Variants in KIRREL3 observed in about 807,000 individuals in gnomAD.
The protein encoded by KIRREL3 is kin of IRRE-like protein 3.
In KIRREL3, 36 loss-of-function variants were observed where a neutral mutation model predicts 89.7. The observed-to-expected ratio is 0.40, with a 90% CI of 0.31 to 0.53. KIRREL3 has a LOEUF of 0.53. Among genes scored for constraint, KIRREL3 ranks in the 20% least tolerant of loss-of-function variants. The pLI, the probability that KIRREL3 is intolerant of heterozygous loss-of-function variation, is 0.49. For synonymous variants in KIRREL3, 445 were observed against 441.4 expected, an observed-to-expected ratio of 1.01 and a Z score of -0.10; for missense variants, 864 against 1,056.6, an observed-to-expected ratio of 0.82 and a Z score of 2.53.
chr11:126,504,363 C>T (rs372556534), intron 4 of KIRREL3, among the ~76,000 whole-genome samples: 1 of 152,168 alleles, frequency 6.6e-6, no homozygotes, highest in Admixed American at 6.5e-5. Flanking sequence ...CAGATCCCAT[C>T]GATCCTCTAT....
At position 126,924,345 on chromosome 11, in the gene KIRREL3, C is replaced by A. The variant is rs1402317518; in HGVS notation, c.55+76110G>T. Among the ~76,000 whole-genome samples the A allele has an allele frequency of 6.6e-6, 1 of 152,190 alleles. No homozygotes were observed. Among genetic ancestry groups the A allele is most frequent in the Non-Finnish European group, 1.5e-5 (1 of 68,038 alleles). On this transcript the variant is annotated intron_variant, in intron 1 of 16. Transcript: ENST00000525144. This position sits in a 1 kb window ranked among gnomAD's most constrained non-coding sequence, Gnocchi z 4.7. Reference sequence around the variant, plus strand: ...GGTCTGTCTCATTCTCTTGCTTACACCCTTCAGAAAGCTGTCTCCCAGCAC... The same window carrying A: ...GGTCTGTCTCATTCTCTTGCTTACAACCTTCAGAAAGCTGTCTCCCAGCAC...
rs961731793 is a variant in KIRREL3, at chr11:126,432,490, G to A, written c.1589-964C>T. On this transcript the variant is annotated intron_variant, in intron 13 of 16. Coordinates refer to ENST00000525144, the MANE Select transcript of KIRREL3 (RefSeq NM_032531.4). This position sits in a 1 kb window ranked among gnomAD's most constrained non-coding sequence, Gnocchi z 6.2. ...GAGCTTGGGGCTCTCACTGAGGTCC[G>A]GAGAAGTCAAGTGATTTGGCCAAGG... Among the ~76,000 whole-genome samples, 1 of 152,124 alleles carries A rather than the reference G, an allele frequency of 6.6e-6. No homozygotes were observed. The highest frequency in any genetic ancestry group is 2.4e-5 in the African/African-American group (1 of 41,424).
At chr11:126,836,898 A>G (rs144562166) in intron 1 of KIRREL3, among the ~76,000 whole-genome samples, 2 of 152,260 alleles carry the variant, frequency 1.3e-5, no homozygotes, top group East Asian at 3.9e-4. Flanking sequence ...ACAGAACAAC[A>G]AACTTATTTG....
intron 1 of KIRREL3, among the ~76,000 whole-genome samples, chr11:126,888,063 A>C (rs997466393): frequency 3.6e-4 from 55 of 152,336 alleles, no homozygotes; most frequent in Middle Eastern, 3.4e-3. Flanking sequence ...CCACAGTATC[A>C]AGGGGAGGAC....
chr11:126,477,780 C>A lies in KIRREL3; in HGVS notation c.434-4314G>T, dbSNP rs1957107281. ...CAGGAATTCCTCGATGCTCCATCAG[C>A]CTGGGATGGTTGGTCTCTGAGCATG... On this transcript the variant is annotated intron_variant, in intron 4 of 16. Transcript: ENST00000525144. This position sits in a 1 kb window ranked among gnomAD's most constrained non-coding sequence, Gnocchi z 4.8. Among the ~76,000 whole-genome samples, 1 of 152,138 alleles carries A rather than the reference C, an allele frequency of 6.6e-6. No individual in the cohort carries two copies. Among genetic ancestry groups the A allele is most frequent in the South Asian group, 2.1e-4 (1 of 4,826 alleles).
At chr11:126,502,649 T>C (rs1245705743) in intron 4 of KIRREL3, among the ~76,000 whole-genome samples, 1 of 152,208 alleles carries the variant, frequency 6.6e-6, no homozygotes, top group Non-Finnish European at 1.5e-5. Flanking sequence ...GAAAGGTAAA[T>C]TGTGGACTTA....
chr11:126,697,038 A>G lies in KIRREL3; in HGVS notation c.56-134126T>C, dbSNP rs1947125910. Among the ~76,000 whole-genome samples the G allele has an allele frequency of 6.6e-6, 1 of 152,156 alleles. No homozygotes were observed. The highest frequency in any genetic ancestry group is 2.1e-4 in the South Asian group (1 of 4,826). On this transcript the variant is annotated intron_variant, in intron 1 of 16. Coordinates refer to ENST00000525144, the MANE Select transcript of KIRREL3 (RefSeq NM_032531.4). This position sits in a 1 kb window ranked among gnomAD's most constrained non-coding sequence, Gnocchi z 4.2. The stretch of plus-strand genomic sequence containing the variant: ...TCCTTCCTTTCCAGCCTCTGCCTGC[A>G]CAAACCCACTGTTCTTTCGCTCAGG...
chr11:126,431,824 G>T lies in KIRREL3; in HGVS notation c.1589-298C>A, dbSNP rs1955144755. On this transcript the variant is annotated intron_variant, in intron 13 of 16. Transcript: ENST00000525144. This position sits in a 1 kb window ranked among gnomAD's most constrained non-coding sequence, Gnocchi z 7.1. ...CAGACACGGAGAAGGGAGGGCCAGG[G>T]GACAGGAAGACCGGAGATGAGGGGT... 6.6e-6 allele frequency among the ~76,000 whole-genome samples: 1 copy of T among 152,114 alleles called. No individual in the cohort carries two copies.
rs1946622451 is a variant in KIRREL3, at chr11:126,685,235, G to A, written c.56-122323C>T. ...CCCCAGCTCTGCTCTGGGGAGTCAG[G>A]GGCAGGGCGGCAGATGCTTGGGGTC... On this transcript the variant is annotated intron_variant, in intron 1 of 16. Transcript: ENST00000525144. The surrounding 1 kb of genome is among the most constrained non-coding windows in gnomAD (Gnocchi z 5.5). 6.6e-6 allele frequency among the ~76,000 whole-genome samples: 1 copy of A among 152,186 alleles called. No individual in the cohort carries two copies. Among genetic ancestry groups the A allele is most frequent in the East Asian group, 1.9e-4 (1 of 5,196 alleles).
intron 4 of KIRREL3, among the ~76,000 whole-genome samples, chr11:126,502,353 T>A (rs1957890055): frequency 6.6e-6 from 1 of 152,130 alleles, no homozygotes; most frequent in Admixed American, 6.5e-5. Context: ...CCACAGCCCC[T>A]CCTCCACTCC....
intron 1 of KIRREL3, among the ~76,000 whole-genome samples, chr11:126,716,509 C>T (rs1360015569): frequency 6.6e-6 from 1 of 151,978 alleles, no homozygotes; most frequent in Non-Finnish European, 1.5e-5. Flanking sequence ...ACAGGTCAGC[C>T]ACATCCCAGG....
chr11:126,493,870 C>T (rs1240808137), intron 4 of KIRREL3, among the ~76,000 whole-genome samples: 1 of 151,952 alleles, frequency 6.6e-6, no homozygotes, highest in Non-Finnish European at 1.5e-5. Flanking sequence ...TTCTGGGTCC[C>T]GGAACCATCC....
chr11:126,474,581 C>T lies in KIRREL3; in HGVS notation c.434-1115G>A, dbSNP rs974132811. Among the ~76,000 whole-genome samples, 4 of 152,258 alleles carry T rather than the reference C, an allele frequency of 2.6e-5. No homozygotes were observed. Among genetic ancestry groups the T allele is most frequent in the Admixed American group, 1.3e-4 (2 of 15,288 alleles). ...AGAGCGGCTCCAGCCCCTTCATCCC[C>T]AGAGGCAGCCTGATTCTCTCCTGTC... On this transcript the variant is annotated intron_variant, in intron 4 of 16. Transcript: ENST00000525144. This position sits in a 1 kb window ranked among gnomAD's most constrained non-coding sequence, Gnocchi z 6.7.
rs1163551138 is a variant in KIRREL3, at chr11:126,876,894, C to A, written c.55+123561G>T. ...CTTCTTTATGGAGCCAAAATTTTCA[C>A]AATTGATAACCCTTACAGTAGATTG... On this transcript the variant is annotated intron_variant, in intron 1 of 16. Coordinates refer to ENST00000525144, the MANE Select transcript of KIRREL3 (RefSeq NM_032531.4). The surrounding 1 kb of genome is among the most constrained non-coding windows in gnomAD (Gnocchi z 4.1). Among the ~76,000 whole-genome samples the A allele has an allele frequency of 1.3e-5, 2 of 152,148 alleles. No homozygotes were observed. Among genetic ancestry groups the A allele is most frequent in the African/African-American group, 4.8e-5 (2 of 41,432 alleles).
rs1251688755 is a variant in KIRREL3 at position 126,976,432 on chromosome 11, A to T, written c.55+24023T>A. 1.3e-5 allele frequency among the ~76,000 whole-genome samples: 2 copies of T among 152,130 alleles called. No individual in the cohort carries two copies. The highest frequency in any genetic ancestry group is 6.6e-5 in the Admixed American group (1 of 15,262). The stretch of plus-strand genomic sequence containing the variant: ...CCTGCAGATTTTTTTCTGGAGATTT[A>T]TATGTTTACCTGTCCACTGTTTCTG... On this transcript the variant is annotated intron_variant, in intron 1 of 16. Transcript: ENST00000525144. The surrounding 1 kb of genome is among the most constrained non-coding windows in gnomAD (Gnocchi z 4.2).
chr11:126,901,207 C>A (rs1946356667), intron 1 of KIRREL3, among the ~76,000 whole-genome samples: 1 of 136,662 alleles, frequency 7.3e-6, no homozygotes, highest in African/African-American at 2.9e-5. Flanking sequence ...GAGCGAGATT[C>A]CGTCTCAAAA....
At chr11:126,621,113 T>C (rs556813857) in intron 1 of KIRREL3, among the ~76,000 whole-genome samples, 3 of 152,344 alleles carry the variant, frequency 2.0e-5, no homozygotes, top group Non-Finnish European at 4.4e-5. Flanking sequence ...TAAATTCTAG[T>C]ACCATATCAT....
At chr11:126,549,008 AG>A (rs1939042849) in intron 2 of KIRREL3, among the ~76,000 whole-genome samples, 1 of 152,158 alleles carries the variant, frequency 6.6e-6, no homozygotes, top group African/African-American at 2.4e-5. Flanking sequence ...AGCTGAGAAC[AG>A]GTTAGTGTTG....
At chr11:126,451,100 T>C (rs1331190667) in intron 7 of KIRREL3, among the ~76,000 whole-genome samples, 4 of 102,372 alleles carry the variant, frequency 3.9e-5, no homozygotes, top group African/African-American at 1.2e-4. Context: ...TATGTGTCCA[T>C]GTGCATGTGT....
Sources: allele counts gnomAD v4.1 joint callset (sites outside exome capture counted in the v4.1 genomes callset), GRCh38; gene constraint gnomAD v4.1.1; non-coding constraint Gnocchi (gnomAD v3.1); transcripts MANE v1.5; gene names NCBI Gene and HGNC (gene_info 2026-07-23, HGNC 2026-07-21).